Variants in SPMIP11 observed in about 807,000 individuals in gnomAD.
The protein encoded by SPMIP11 is sperm microtubule inner protein 11.
chr12:48,730,110 A>G, the SPMIP11 span, among the ~76,000 whole-genome samples: 1 of 152,140 alleles, frequency 6.6e-6, no homozygotes, highest in Non-Finnish European at 1.5e-5. Context: ...CTGAGTGTAC[A>G]GCCGACCAAT....
At chr12:48,763,957 C>T in the SPMIP11 span, among the ~76,000 whole-genome samples, 2 of 151,192 alleles carry the variant, frequency 1.3e-5, no homozygotes, top group Non-Finnish European at 2.9e-5. Flanking sequence ...GGATTACAGG[C>T]ATGAGCCACC....
the SPMIP11 span, among the ~76,000 whole-genome samples, chr12:48,735,828 G>T: frequency 6.6e-6 from 1 of 152,050 alleles, no homozygotes; most frequent in Non-Finnish European, 1.5e-5. Flanking sequence ...AGGTTGTAGT[G>T]AGCCAAGATC....
At chr12:48,744,037 T>C in the SPMIP11 span, among the ~76,000 whole-genome samples, 3 of 148,922 alleles carry the variant, frequency 2.0e-5, no homozygotes, top group African/African-American at 5.0e-5. Context: ...TCACCTGAGG[T>C]TGGGAATTCG....
the SPMIP11 span, among the ~76,000 whole-genome samples, chr12:48,738,846 T>C: frequency 2.6e-5 from 4 of 152,030 alleles, no homozygotes; most frequent in African/African-American, 9.7e-5. Flanking sequence ...GAAGGGGAAC[T>C]AAGCTCCACT....
the SPMIP11 span, among the ~76,000 whole-genome samples, chr12:48,729,056 A>G: frequency 6.6e-6 from 1 of 152,242 alleles, no homozygotes; most frequent in South Asian, 2.1e-4. Context: ...ACTGTAAAAC[A>G]GGAAGCTAGG....
At chr12:48,745,709 T>C in the SPMIP11 span, among the ~76,000 whole-genome samples, 768 of 152,352 alleles carry the variant, frequency 5.0e-3, 2 homozygotes, top group Non-Finnish European at 7.8e-3. Context: ...CAAATCTTTC[T>C]TTATTAGACA....
At chr12:48,753,056 T>C in the SPMIP11 span, among the ~76,000 whole-genome samples, 1 of 152,170 alleles carries the variant, frequency 6.6e-6, no homozygotes, top group African/African-American at 2.4e-5. Flanking sequence ...TTCCCTCTAA[T>C]CTGGCCCTTC....
At chr12:48,752,740 C>T in the SPMIP11 span, among the ~76,000 whole-genome samples, 1 of 146,742 alleles carries the variant, frequency 6.8e-6, no homozygotes, top group Non-Finnish European at 1.5e-5. Context: ...GGGGCGATCT[C>T]GGCTCACTGC....
At chr12:48,753,670 G>A in the SPMIP11 span, among the ~76,000 whole-genome samples, 1 of 147,066 alleles carries the variant, frequency 6.8e-6, no homozygotes, top group East Asian at 2.0e-4. Context: ...TGTTGTTCTG[G>A]CTTTTCTTTA....
At chr12:48,730,938 C>T in the SPMIP11 span, among the ~76,000 whole-genome samples, 1,064 of 152,072 alleles carry the variant, frequency 7.0e-3, 7 homozygotes, top group Non-Finnish European at 0.011. Context: ...AACTCTGTCC[C>T]CGCCCCCCAA....
At chr12:48,748,593 G>C in the SPMIP11 span, among the ~76,000 whole-genome samples, 2 of 151,222 alleles carry the variant, frequency 1.3e-5, no homozygotes, top group East Asian at 1.9e-4. Flanking sequence ...AGTGATTATC[G>C]CTGCCCAGAA....
chr12:48,742,358 C>T, the SPMIP11 span, among the ~76,000 whole-genome samples: 784 of 148,574 alleles, frequency 5.3e-3, 7 homozygotes, highest in African/African-American at 0.018. Context: ...CTCGGCTCAC[C>T]GCAACCTCCA....
At chr12:48,761,885 GCT>G in the SPMIP11 span, among the ~76,000 whole-genome samples, 2 of 146,966 alleles carry the variant, frequency 1.4e-5, no homozygotes, top group African/African-American at 2.5e-5. Flanking sequence ...ACTATGCCCA[GCT>G]CTTTTTTTTT....
the SPMIP11 span, among the ~76,000 whole-genome samples, chr12:48,733,970 C>G: frequency 6.6e-6 from 1 of 151,964 alleles, no homozygotes; most frequent in South Asian, 2.1e-4. Flanking sequence ...CAGGGTTTCA[C>G]CATGTTGGCC....
chr12:48,756,771 C>CT, the SPMIP11 span, among the ~76,000 whole-genome samples: 173 of 108,712 alleles, frequency 1.6e-3, 3 homozygotes, highest in African/African-American at 4.8e-3. Context: ...ATTTTTTTTT[C>CT]TTTTTTTCTT....
the SPMIP11 span, among the ~76,000 whole-genome samples, chr12:48,752,872 G>A: frequency 0.014 from 2,101 of 151,814 alleles, 30 homozygotes; most frequent in Middle Eastern, 0.037. Context: ...GGATTTCATC[G>A]TGTTGGCCAG....
chr12:48,748,961 A>G, the SPMIP11 span, among the ~76,000 whole-genome samples: 6 of 152,144 alleles, frequency 3.9e-5, no homozygotes, highest in Non-Finnish European at 5.9e-5. Context: ...TAATTTGTCC[A>G]TCTATAATTT....
the SPMIP11 span, among the ~76,000 whole-genome samples, chr12:48,737,402 A>ATTCTAAT: frequency 6.7e-6 from 1 of 149,782 alleles, no homozygotes; most frequent in Non-Finnish European, 1.5e-5. Flanking sequence ...GAGAAATTTT[A>ATTCTAAT]TTTTAATTTT....
At chr12:48,756,513 T>G in the SPMIP11 span, among the ~76,000 whole-genome samples, 1 of 152,012 alleles carries the variant, frequency 6.6e-6, no homozygotes, top group Non-Finnish European at 1.5e-5. Context: ...AGATGATGAA[T>G]GAGTGAGGCC....
Sources: gnomAD v4.1 joint callset for allele counts (sites outside exome capture counted in the v4.1 genomes callset) on GRCh38, gnomAD v4.1.1 for gene constraint, MANE v1.5 for transcripts, NCBI Gene and HGNC (gene_info 2026-07-23, HGNC 2026-07-21) for gene names.